NEGR1: variants seen among roughly 807,000 people sequenced by gnomAD.
The protein encoded by NEGR1 is IgLON family member 4.
NEGR1 carries 10 observed loss-of-function variants against 40.9 expected under a neutral mutation model. The ratio of observed to expected loss-of-function variants is 0.24; its 90% CI spans 0.15 to 0.42. The LOEUF (loss-of-function observed/expected upper bound fraction) is 0.42, where lower values mean the gene tolerates loss of function less well. Ranked by LOEUF, NEGR1 falls within the 10% of genes least tolerant of loss-of-function variation. NEGR1 has a pLI of 1.00. For synonymous variants in NEGR1, 185 were observed against 166.8 expected (o/e 1.11, Z -0.84); for missense variants, 352 against 438.9 (o/e 0.80, Z 1.77).
At chr1:71,907,347 A>T (rs1197224399) in intron 2 of NEGR1, among the ~76,000 whole-genome samples, 4 of 152,200 alleles carry the variant, frequency 2.6e-5, no homozygotes, top group African/African-American at 9.6e-5. Flanking sequence ...GGAAACATCA[A>T]ATAACTTATT....
chr1:71,474,283 G>A (rs1480648505), intron 6 of NEGR1, among the ~76,000 whole-genome samples: 2 of 145,756 alleles, frequency 1.4e-5, no homozygotes, highest in African/African-American at 2.5e-5. Context: ...ACAGGAAAAT[G>A]TGTGTGTGTG....
chr1:71,679,073 G>C (rs12031657), intron 4 of NEGR1, among the ~76,000 whole-genome samples: 11,112 of 152,104 alleles, frequency 0.073, 502 homozygotes, highest in East Asian at 0.13. Context: ...GATCTGGCTT[G>C]GAGTTGCAGC....
chr1:71,608,070 C>A (rs1650125045), intron 5 of NEGR1, among the ~76,000 whole-genome samples: 1 of 152,180 alleles, frequency 6.6e-6, no homozygotes, highest in Non-Finnish European at 1.5e-5. Flanking sequence ...CATTCAGCAA[C>A]CAGAATCCTT....
At chr1:72,191,944 A>C (rs1314473279) in intron 1 of NEGR1, among the ~76,000 whole-genome samples, 3 of 151,928 alleles carry the variant, frequency 2.0e-5, no homozygotes, top group Non-Finnish European at 4.4e-5. Context: ...AAGGTAACCC[A>C]GGCAATTCTC....
At chr1:72,168,763 G>C (rs1651858474) in intron 1 of NEGR1, among the ~76,000 whole-genome samples, 1 of 152,058 alleles carries the variant, frequency 6.6e-6, no homozygotes, top group African/African-American at 2.4e-5. Flanking sequence ...CGCCAGGTGT[G>C]GTGGCTTGCG....
intron 6 of NEGR1, among the ~76,000 whole-genome samples, chr1:71,447,291 C>CA (rs879346060): frequency 2.0e-5 from 3 of 151,624 alleles, no homozygotes; most frequent in East Asian, 1.9e-4. Flanking sequence ...TTCCTGGTGC[C>CA]AAAAAAAATT....
chr1:71,501,763 TAAG>T (rs1302514776), intron 6 of NEGR1, among the ~76,000 whole-genome samples: 2 of 152,162 alleles, frequency 1.3e-5, no homozygotes, highest in African/African-American at 4.8e-5. Context: ...TAACTACAGA[TAAG>T]AAGAATAAAA....
In NEGR1 at chr1:72,019,791, G is replaced by A. The variant is rs560733260; in HGVS notation, c.177-84480C>T. On this transcript the variant is annotated intron_variant, in intron 1 of 6. Transcript: ENST00000357731. ...ATTTTAACCTAAAATCATTCCCAGT[G>A]TCATTAACAGTTTGTTTCATCATCT... Among the ~76,000 whole-genome samples, 7 of 152,248 alleles carry A rather than the reference G, an allele frequency of 4.6e-5. No individual in the cohort carries two copies. The East Asian group carries it at 1.4e-3, about 29-fold the overall frequency.
chr1:72,208,922 T>C (rs1362896731), intron 1 of NEGR1, among the ~76,000 whole-genome samples: 2 of 151,588 alleles, frequency 1.3e-5, no homozygotes, highest in African/African-American at 4.8e-5. Flanking sequence ...AAAGAATGGG[T>C]GATTCATCAG....
chr1:72,090,380 AAAG>A (rs1648430193), intron 1 of NEGR1, among the ~76,000 whole-genome samples: 1 of 150,716 alleles, frequency 6.6e-6, no homozygotes, highest in Non-Finnish European at 1.5e-5. Flanking sequence ...AAAAAAAAAA[AAAG>A]AGCTCCCACT....
chr1:71,438,830 TA>T (rs1303467880), intron 6 of NEGR1, among the ~76,000 whole-genome samples: 2 of 152,156 alleles, frequency 1.3e-5, no homozygotes, highest in Non-Finnish European at 2.9e-5. Context: ...TATGCTGATC[TA>T]GAAGGCTGGC....
At chr1:71,469,591 T>C (rs913707820) in intron 6 of NEGR1, among the ~76,000 whole-genome samples, 1 of 152,032 alleles carries the variant, frequency 6.6e-6, no homozygotes, top group African/African-American at 2.4e-5. Flanking sequence ...ACTTATATCA[T>C]CTCAGACCCA....
chr1:72,037,005 C>T (rs907619863), intron 1 of NEGR1, among the ~76,000 whole-genome samples: 1 of 152,074 alleles, frequency 6.6e-6, no homozygotes, highest in Non-Finnish European at 1.5e-5. Context: ...GTATCTTAGA[C>T]ACTTGTCAGA....
At position 71,595,949 on chromosome 1, in the gene NEGR1, T is replaced by C. The variant is rs1207609974; in HGVS notation, c.789-2981A>G. 2.6e-5 allele frequency among the ~76,000 whole-genome samples: 4 copies of C among 152,090 alleles called. No individual in the cohort carries two copies. The East Asian group carries it at 7.7e-4, about 29-fold the overall frequency. On this transcript the variant is annotated intron_variant, in intron 5 of 6. Transcript: ENST00000357731. ...ATTCTAATATGATTGTCTATAACTTTATTTCTGTAAAAAGAATCATTCTTA... is the reference window on the plus strand; with the variant it reads ...ATTCTAATATGATTGTCTATAACTTCATTTCTGTAAAAAGAATCATTCTTA...
intron 1 of NEGR1, among the ~76,000 whole-genome samples, chr1:72,061,430 T>C (rs953751657): frequency 1.4e-4 from 22 of 151,824 alleles, no homozygotes; most frequent in South Asian, 2.1e-4. Flanking sequence ...GAAATGCCAA[T>C]TTCCAAACAC....
At chr1:72,074,547 C>T (rs974783902) in intron 1 of NEGR1, among the ~76,000 whole-genome samples, 1 of 151,952 alleles carries the variant, frequency 6.6e-6, no homozygotes, top group Non-Finnish European at 1.5e-5. Context: ...TTGCTATACT[C>T]CTACTTCTAC....
At chr1:71,995,854 G>A (rs1646499756) in intron 1 of NEGR1, among the ~76,000 whole-genome samples, 1 of 152,032 alleles carries the variant, frequency 6.6e-6, no homozygotes, top group Non-Finnish European at 1.5e-5. Context: ...ATTAATTGAA[G>A]TTTTGTTTTT....
intron 1 of NEGR1, among the ~76,000 whole-genome samples, chr1:71,990,116 G>A (rs534505943): frequency 3.1e-4 from 47 of 152,152 alleles, no homozygotes; most frequent in Middle Eastern, 3.4e-3. Flanking sequence ...GCTGAAATTT[G>A]TCTTCTCTGT....
At chr1:71,470,894 G>T (rs1469661869) in intron 6 of NEGR1, among the ~76,000 whole-genome samples, 1 of 152,000 alleles carries the variant, frequency 6.6e-6, no homozygotes, top group Non-Finnish European at 1.5e-5. Flanking sequence ...CCACCCAGCT[G>T]TTTATTTTTC....
Sources: allele counts gnomAD v4.1 joint callset (sites outside exome capture counted in the v4.1 genomes callset), GRCh38; gene constraint gnomAD v4.1.1; transcripts MANE v1.5; gene names NCBI Gene and HGNC (gene_info 2026-07-23, HGNC 2026-07-21).